The following SORCS1 variants were observed in gnomAD, a reference collection of about 807,000 sequenced individuals.
The protein encoded by SORCS1 is sortilin related VPS10 domain containing receptor 1.
In SORCS1, 60 loss-of-function variants were observed where a neutral mutation model predicts 146.1. The observed-to-expected ratio is 0.41, with a 90% CI of 0.33 to 0.51. The LOEUF is 0.51. Ranked by LOEUF, SORCS1 falls within the 20% of genes least tolerant of loss-of-function variation. The probability of loss-of-function intolerance (pLI) is 0.21; values close to 1 mark genes in which losing one functional copy is unlikely to be tolerated. For missense variants in SORCS1, 1,352 were observed against 1,487.6 expected (o/e 0.91, Z 1.50); for synonymous variants, 637 against 584.0 (o/e 1.09, Z -1.31).
At chr10:107,094,684 A>G (rs1565034212) in intron 1 of SORCS1, among the ~76,000 whole-genome samples, 1 of 152,218 alleles carries the variant, frequency 6.6e-6, no homozygotes, top group Non-Finnish European at 1.5e-5. Flanking sequence ...AAGGCTCCAT[A>G]TATCAGTAGT....
chr10:106,916,958 G>A (rs1481177257), intron 2 of SORCS1, among the ~76,000 whole-genome samples: 2 of 152,110 alleles, frequency 1.3e-5, no homozygotes, highest in African/African-American at 4.8e-5. Flanking sequence ...GGCCAGGCTG[G>A]TCTCGAACTC....
rs542480715 is a variant in SORCS1, at chr10:106,624,771, A to G, written c.2663-4210T>C. On this transcript the variant is annotated intron_variant, in intron 19 of 25. Coordinates refer to ENST00000263054, the MANE Select transcript of SORCS1 (RefSeq NM_052918.5). Reference sequence around the variant, plus strand: ...ACGCATACATGCATATACATTATATATGCATACACATATTAAATTTATCTT... The same window carrying G: ...ACGCATACATGCATATACATTATATGTGCATACACATATTAAATTTATCTT... Among the ~76,000 whole-genome samples, 8 of 152,384 alleles carry G rather than the reference A, an allele frequency of 5.2e-5. No individual in the cohort carries two copies. In the East Asian group the frequency reaches 1.5e-3, roughly 29 times the overall value.
At chr10:106,735,945 G>GCCT (rs769893636) in intron 5 of SORCS1, among the ~76,000 whole-genome samples, 48 of 152,306 alleles carry the variant, frequency 3.2e-4, no homozygotes, top group South Asian at 1.7e-3. Context: ...GCCCATTGCA[G>GCCT]CCTCCTACAT....
intron 1 of SORCS1, among the ~76,000 whole-genome samples, chr10:107,051,756 A>G (rs1304214529): frequency 1.3e-5 from 2 of 152,198 alleles, no homozygotes; most frequent in Non-Finnish European, 2.9e-5. Context: ...TTTAACATTT[A>G]TAAAATGAAA....
intron 2 of SORCS1, among the ~76,000 whole-genome samples, chr10:106,891,328 T>C (rs1211260746): frequency 6.6e-6 from 1 of 151,844 alleles, no homozygotes; most frequent in Non-Finnish European, 1.5e-5. Flanking sequence ...AAAGTATTTT[T>C]AGATGAACAA....
intron 14 of SORCS1, among the ~76,000 whole-genome samples, chr10:106,674,160 A>AAG (rs1851828855): frequency 6.8e-6 from 1 of 148,002 alleles, no homozygotes. Flanking sequence ...ACTAAAAAAA[A>AAG]AAAAAAAATT....
At chr10:106,940,800 C>T (rs1376793833) in intron 2 of SORCS1, among the ~76,000 whole-genome samples, 1 of 152,236 alleles carries the variant, frequency 6.6e-6, no homozygotes, top group Non-Finnish European at 1.5e-5. Context: ...AGGAGAACTG[C>T]TTGAACCCGA....
At chr10:106,895,097 A>G (rs1331536013) in intron 2 of SORCS1, among the ~76,000 whole-genome samples, 1 of 152,162 alleles carries the variant, frequency 6.6e-6, no homozygotes, top group Non-Finnish European at 1.5e-5. Context: ...CATCTGTCAG[A>G]TGAGTGCTAA....
chr10:106,894,652 A>G (rs1951394021), intron 2 of SORCS1, among the ~76,000 whole-genome samples: 1 of 152,220 alleles, frequency 6.6e-6, no homozygotes, highest in South Asian at 2.1e-4. Flanking sequence ...GACAGTTTCC[A>G]CTAAGAAAAG....
chr10:106,739,678 T>G, intron 5 of SORCS1, among the ~76,000 whole-genome samples: 1 of 148,090 alleles, frequency 6.8e-6, no homozygotes, highest in African/African-American at 2.5e-5. Context: ...TATAGCTGGG[T>G]GTGGTGGCGA....
chr10:106,915,008 C>T (rs1952344926), intron 2 of SORCS1, among the ~76,000 whole-genome samples: 1 of 152,198 alleles, frequency 6.6e-6, no homozygotes, highest in Admixed American at 6.5e-5. Flanking sequence ...GGCAAGACAG[C>T]ATCCACTAAC....
intron 1 of SORCS1, among the ~76,000 whole-genome samples, chr10:107,101,877 T>C (rs1399762919): frequency 6.6e-6 from 1 of 152,144 alleles, no homozygotes; most frequent in Admixed American, 6.5e-5. Context: ...AGTTCTATCA[T>C]GCTTTATCAA....
intron 1 of SORCS1, among the ~76,000 whole-genome samples, chr10:107,010,064 GAATCT>G (rs1957629074): frequency 6.6e-6 from 1 of 152,122 alleles, no homozygotes; most frequent in Admixed American, 6.6e-5. Context: ...TCTGAAAAAA[GAATCT>G]AATCACTGCA....
At chr10:106,668,137 C>A (rs533165353) in intron 16 of SORCS1, among the ~76,000 whole-genome samples, 1 of 152,202 alleles carries the variant, frequency 6.6e-6, no homozygotes, top group African/African-American at 2.4e-5. Flanking sequence ...AATGAGAAAA[C>A]GGGTGTGGTG....
chr10:107,064,512 T>A (rs1961553509), intron 1 of SORCS1, among the ~76,000 whole-genome samples: 1 of 152,222 alleles, frequency 6.6e-6, no homozygotes, highest in African/African-American at 2.4e-5. Flanking sequence ...GCGAAGCCTT[T>A]TCTCCAGTCT....
At chr10:106,863,926 C>T (rs188246598) in intron 2 of SORCS1, among the ~76,000 whole-genome samples, 33 of 151,882 alleles carry the variant, frequency 2.2e-4, no homozygotes, top group South Asian at 6.3e-4. Flanking sequence ...ACTGTGTAGA[C>T]GAAAACACTC....
intron 2 of SORCS1, among the ~76,000 whole-genome samples, chr10:106,956,253 A>G (rs188085818): frequency 2.0e-5 from 3 of 152,338 alleles, no homozygotes; most frequent in East Asian, 3.9e-4. Context: ...GGTCAGTGAG[A>G]CAGTGCATAA....
At chr10:107,087,501 C>T (rs1209988260) in intron 1 of SORCS1, among the ~76,000 whole-genome samples, 5 of 152,154 alleles carry the variant, frequency 3.3e-5, no homozygotes, top group Non-Finnish European at 4.4e-5. Context: ...TTTAACCTAA[C>T]GGAATAGTCA....
At position 106,682,157 on chromosome 10, in the gene SORCS1, AAAAC is replaced by A. The variant is rs550865481; in HGVS notation, c.1561-2427_1561-2424del. 3.4e-4 allele frequency among the ~76,000 whole-genome samples: 52 copies of A among 152,210 alleles called. No individual in the cohort carries two copies. The East Asian group carries it at 3.9e-3, about 11-fold the overall frequency. ...ACAAAACCAAAACAAAAACAAACAA[AAAAC>A]AAACAAACAAACAAAACAAAAAACA... is the stretch of plus-strand genomic sequence containing the variant. On this transcript the variant is annotated intron_variant, in intron 10 of 25. Transcript: ENST00000263054.
Sources: gnomAD v4.1 joint callset for allele counts (sites outside exome capture counted in the v4.1 genomes callset) on GRCh38, gnomAD v4.1.1 for gene constraint, MANE v1.5 for transcripts, NCBI Gene and HGNC (gene_info 2026-07-23, HGNC 2026-07-21) for gene names.